SERPINB9: variants seen among roughly 807,000 people sequenced by gnomAD.
The protein encoded by SERPINB9 is serpin B9.
Under a neutral mutation model 27.2 loss-of-function variants are expected in SERPINB9, and 20 were observed. That is an observed-to-expected ratio of 0.74 (90% confidence interval 0.52 to 1.07). The LOEUF (loss-of-function observed/expected upper bound fraction) is 1.07, where lower values mean the gene tolerates loss of function less well. Ranked by LOEUF, SERPINB9 falls within the 50% of genes least tolerant of loss-of-function variation. The pLI, the probability that SERPINB9 is intolerant of heterozygous loss-of-function variation, is 0.00. For synonymous variants in SERPINB9, 189 were observed against 180.0 expected, an observed-to-expected ratio of 1.05 and a Z score of -0.40; for missense variants, 476 against 460.1, an observed-to-expected ratio of 1.03 and a Z score of -0.32.
intron 2 of SERPINB9, among the ~76,000 whole-genome samples, chr6:2,897,680 T>G (rs957794960): frequency 2.0e-5 from 3 of 152,122 alleles, no homozygotes; most frequent in African/African-American, 7.2e-5. Context: ...CCAAGGAATT[T>G]TGGGACAAAC....
intron 2 of SERPINB9, among the ~76,000 whole-genome samples, chr6:2,898,529 G>A (rs1768078534): frequency 1.3e-5 from 2 of 152,176 alleles, no homozygotes; most frequent in South Asian, 4.1e-4. Context: ...TGAAAATCAG[G>A]AAATAGGGCC....
At chr6:2,896,015 T>C (rs777924610) in intron 3 of SERPINB9, 38 bp downstream of exon 3, 31 of 1,591,130 alleles carry the variant, frequency 1.9e-5, no homozygotes, top group African/African-American at 2.7e-5. Flanking sequence ...ACCAGGTATG[T>C]TGAATGCAAC....
intron 5 of SERPINB9, 81 bp downstream of exon 5, chr6:2,893,330 G>A: frequency 7.1e-7 from 1 of 1,407,588 alleles, no homozygotes; most frequent in Non-Finnish European, 9.6e-7. Flanking sequence ...TTACGCTTAT[G>A]TCACTTACAC....
chr6:2,895,806 A>G (rs541198378), intron 3 of SERPINB9, among the ~76,000 whole-genome samples: 6 of 152,288 alleles, frequency 3.9e-5, no homozygotes, highest in African/African-American at 1.2e-4. Flanking sequence ...CTTTAAAAAA[A>G]AAAAGAAGTT....
rs1286041800 is a variant in SERPINB9, at chr6:2,887,848, A to G, written c.*2315T>C. On this transcript the variant is annotated 3_prime_UTR_variant, in exon 7 of 7. Transcript: ENST00000380698. ...GGTGACAGAGTGAGGCACTGTCTCAAAAAAAAAAAAAAAAAAAAAAAAGAT... is the reference window on the plus strand; with the variant it reads ...GGTGACAGAGTGAGGCACTGTCTCAGAAAAAAAAAAAAAAAAAAAAAAGAT... 1.0e-5 allele frequency: 1 copy of G among 99,874 alleles called. No homozygotes were observed. Among genetic ancestry groups the G allele is most frequent in the African/African-American group, 3.1e-5 (1 of 32,382 alleles). 6.2% of individuals were successfully genotyped at this position (99,874 alleles called of 1,614,324 possible).
intron 1 of SERPINB9, among the ~76,000 whole-genome samples, chr6:2,902,021 G>C (rs1440922877): frequency 6.6e-6 from 1 of 152,068 alleles, no homozygotes; most frequent in Non-Finnish European, 1.5e-5. Flanking sequence ...GGGGCCCTTA[G>C]GCCCCTCAAA....
intron 1 of SERPINB9, among the ~76,000 whole-genome samples, chr6:2,901,913 G>T (rs112004668): frequency 6.6e-6 from 1 of 152,038 alleles, no homozygotes; most frequent in African/African-American, 2.4e-5. Flanking sequence ...CTTGGACAAT[G>T]AACACAACCC....
At position 2,895,507 on chromosome 6, in the gene SERPINB9, G is replaced by A. The variant is rs553963720; in HGVS notation, c.308C>T (p.Thr103Met). ...GAATTGAAGACAGGATTCCTTAAACGTCTTTGGAGAGAAAAATGTTCAGTG... is the reference window on the plus strand; with the variant it reads ...GAATTGAAGACAGGATTCCTTAAACATCTTTGGAGAGAAAAATGTTCAGTG... ...FGEKTCQFLS[T>M]FKESCLQFYH... The change falls in exon 4 of 7, where the codon ACG becomes ATG. Residue 103 changes from threonine (T) to methionine (M), a missense_variant and splice_region_variant. Transcript: ENST00000380698. The A allele has an allele frequency of 9.1e-5, 146 of 1,605,288 alleles. No homozygotes were observed. Among genetic ancestry groups the A allele is most frequent in the South Asian group, 8.4e-4 (76 of 90,426 alleles).
rs577722413 is a variant in SERPINB9 at position 2,890,510 on chromosome 6, T to A, written c.784A>T (p.Ser262Cys). The A allele has an allele frequency of 6.2e-7, 1 of 1,614,172 alleles. No individual in the cohort carries two copies. The highest frequency in any genetic ancestry group is 1.1e-5 in the South Asian group (1 of 91,088). Reference sequence around the variant, plus strand: ...GGAAGGAGAACTTCAACCTCAGTACTCTTCATACAGTCTGGCTTGGTCCAG... The same window carrying A: ...GGAAGGAGAACTTCAACCTCAGTACACTTCATACAGTCTGGCTTGGTCCAG... ...TAWTKPDCMK[S>C]TEVEVLLPKF... The change falls in exon 7 of 7, where the codon AGT becomes TGT. Residue 262 changes from serine to cysteine, a missense_variant. Physicochemically the swap from Ser to Cys is moderately radical, Grantham distance 112 (BLOSUM62 -1). Coordinates refer to ENST00000380698, the MANE Select transcript of SERPINB9 (RefSeq NM_004155.6). This position sits in a 1 kb window ranked among gnomAD's most constrained non-coding sequence, Gnocchi z 6.2.
At position 2,895,613 on chromosome 6, in the gene SERPINB9, C is replaced by T. The variant is rs1198909367; in HGVS notation, c.307-105G>A. On this transcript the variant is annotated intron_variant, in intron 3 of 6. Transcript: ENST00000380698. ...ATCTTTTTTTAATAAAAAGAATATA[C>T]ATAACTCTTTAAAAGTGATCATATG... is the stretch of plus-strand genomic sequence containing the variant. 10 of 732,994 alleles carry T rather than the reference C, an allele frequency of 1.4e-5. No individual in the cohort carries two copies. The African/African-American group carries it at 1.8e-4, about 13-fold the overall frequency. The allele number at this position is 732,994 out of a possible 1,614,324, so 45.4% of individuals were successfully genotyped here. A position where few individuals can be genotyped will look rare whatever the true frequency, so the allele number is the denominator to read the frequency against.
intron 5 of SERPINB9, among the ~76,000 whole-genome samples, chr6:2,892,678 C>T (rs1767850882): frequency 1.3e-5 from 2 of 152,052 alleles, no homozygotes; most frequent in African/African-American, 2.4e-5. Context: ...TAGAATTCTC[C>T]TCCTCCCACC....
chr6:2,900,910 C>CACACACACACACACACAG (rs1388598289), intron 1 of SERPINB9, among the ~76,000 whole-genome samples: 3 of 152,114 alleles, frequency 2.0e-5, no homozygotes, highest in Non-Finnish European at 4.4e-5. Context: ...CACACACACA[C>CACACACACACACACACAG]AGAGCTGGAA....
chr6:2,902,908 C>T (rs1768250114), intron 1 of SERPINB9, among the ~76,000 whole-genome samples: 1 of 152,182 alleles, frequency 6.6e-6, no homozygotes, highest in African/African-American at 2.4e-5. Flanking sequence ...AACACAGGGC[C>T]GGCAGGTGGG....
chr6:2,893,288 A>C, intron 5 of SERPINB9, 123 bp downstream of exon 5: 1 of 882,644 alleles, frequency 1.1e-6, no homozygotes, highest in Non-Finnish European at 1.6e-6. Flanking sequence ...AAATTCATTC[A>C]GAAATACTTT....
In SERPINB9 at chr6:2,888,629, T is replaced by A. The variant is rs318483; in HGVS notation, c.*1534A>T. 81,740 of 152,102 alleles carry A rather than the reference T, an allele frequency of 0.54. 22,355 individuals carry two copies. Among genetic ancestry groups the A allele is most frequent in the East Asian group, 0.74 (3,855 of 5,178 alleles). The allele number at this position is 152,102 out of a possible 1,614,324, so 9.4% of individuals were successfully genotyped here. On this transcript the variant is annotated 3_prime_UTR_variant, in exon 7 of 7. Coordinates refer to ENST00000380698, the MANE Select transcript of SERPINB9 (RefSeq NM_004155.6). The stretch of plus-strand genomic sequence containing the variant: ...ATATAAAATAGCAAGAATAGATAAA[T>A]CCATAGAGACAGAAAGCAGATTGGT...
intron 5 of SERPINB9, among the ~76,000 whole-genome samples, chr6:2,892,395 A>G (rs1205798601): frequency 6.6e-6 from 1 of 152,218 alleles, no homozygotes; most frequent in Non-Finnish European, 1.5e-5. Context: ...AAAAAAAATC[A>G]TAAAGTGGGA....
In SERPINB9 at chr6:2,890,371, T is replaced by C. The variant is rs756392525; in HGVS notation, c.923A>G (p.Asp308Gly). 3.7e-6 allele frequency: 6 copies of C among 1,614,128 alleles called. No homozygotes were observed. The South Asian group carries it at 5.5e-5, about 15-fold the overall frequency. The change falls in exon 7 of 7, where the codon GAC (aspartate) becomes GGC (glycine). Residue 308 changes from aspartate to glycine, a missense_variant. Coordinates refer to ENST00000380698, the MANE Select transcript of SERPINB9 (RefSeq NM_004155.6). The surrounding 1 kb of genome is among the most constrained non-coding windows in gnomAD (Gnocchi z 6.2). ...GTGCACGAACTTGGACAGACACAGGTCTCTCTCCGCTGACATTGCCGACAA... is the reference window on the plus strand; with the variant it reads ...GTGCACGAACTTGGACAGACACAGGCCTCTCTCCGCTGACATTGCCGACAA... The part of the protein sequence containing the change: ...ADLSAMSAER[D>G]LCLSKFVHKS...
chr6:2,902,710 T>C (rs1034229874), intron 1 of SERPINB9, among the ~76,000 whole-genome samples: 4 of 151,610 alleles, frequency 2.6e-5, no homozygotes, highest in Non-Finnish European at 4.4e-5. Flanking sequence ...TAGAGACCGG[T>C]TTTCACCACG....
intron 2 of SERPINB9, among the ~76,000 whole-genome samples, chr6:2,897,878 G>A (rs1243492077): frequency 6.6e-6 from 1 of 152,120 alleles, no homozygotes; most frequent in Non-Finnish European, 1.5e-5. Context: ...TTTCAGTAAA[G>A]TACAGATTAT....
Sources: gnomAD v4.1 joint callset for allele counts (sites outside exome capture counted in the v4.1 genomes callset) on GRCh38, gnomAD v4.1.1 for gene constraint, Gnocchi (gnomAD v3.1) non-coding constraint, MANE v1.5 for transcripts, NCBI Gene and HGNC (gene_info 2026-07-23, HGNC 2026-07-21) for gene names.